The following AEBP2 variants were observed in gnomAD, a reference collection of about 807,000 sequenced individuals.
The protein encoded by AEBP2 is zinc finger protein AEBP2.
AEBP2 carries 10 observed loss-of-function variants against 50.8 expected under a neutral mutation model. The ratio of observed to expected loss-of-function variants is 0.20; its 90% CI spans 0.12 to 0.33. The LOEUF is 0.33. Ranked by LOEUF, AEBP2 falls within the 10% of genes least tolerant of loss-of-function variation. The pLI is 1.00. For missense variants in AEBP2, 570 were observed against 688.0 expected, an observed-to-expected ratio of 0.83 and a Z score of 1.92; for synonymous variants, 296 against 261.3, an observed-to-expected ratio of 1.13 and a Z score of -1.28.
chr12:19,420,773 C>A (rs1194862078), intron 1 of AEBP2, among the ~76,000 whole-genome samples: 1 of 152,110 alleles, frequency 6.6e-6, no homozygotes, highest in Admixed American at 6.6e-5. Flanking sequence ...TCTTGATTGA[C>A]CTTCCTGGCA....
intron 1 of AEBP2, among the ~76,000 whole-genome samples, chr12:19,417,741 G>A (rs370535032): frequency 6.7e-6 from 1 of 148,902 alleles, no homozygotes; most frequent in East Asian, 2.0e-4. Flanking sequence ...GTCTCACTCT[G>A]TTGCTTAGGC....
chr12:19,462,815 T>G (rs772221753), intron 2 of AEBP2, 98 bp downstream of exon 2: 45 of 1,116,122 alleles, frequency 4.0e-5, no homozygotes, highest in Non-Finnish European at 4.6e-5. Flanking sequence ...AATTTGGGAT[T>G]ATTTTTACAC....
chr12:19,435,132 CTT>C (rs140447214), upstream of AEBP2, among the ~76,000 whole-genome samples: 17 of 142,884 alleles, frequency 1.2e-4, no homozygotes, highest in African/African-American at 2.0e-4. Flanking sequence ...CCTGTCAGAA[CTT>C]TTTTTTTTTT....
Position 19,520,080 on chromosome 12 carries a change from A to C in AEBP2, c.*1963A>C, listed in dbSNP as rs567510591. On this transcript the variant is annotated 3_prime_UTR_variant, in exon 8 of 8. Transcript: ENST00000266508. Reference sequence around the variant, plus strand: ...CTTTTTAAAATTTGATTTGTTATAAAATTGCCAAATAGAAGTGTTTCAGAT... The same window carrying C: ...CTTTTTAAAATTTGATTTGTTATAACATTGCCAAATAGAAGTGTTTCAGAT... 6.5e-6 allele frequency: 1 copy of C among 152,696 alleles called. No homozygotes were observed. The highest frequency in any genetic ancestry group is 1.9e-4 in the East Asian group (1 of 5,188). The allele number at this position is 152,696 out of a possible 1,614,324, so 9.5% of individuals were successfully genotyped here.
At chr12:19,482,059 T>C (rs913339479) in intron 3 of AEBP2, among the ~76,000 whole-genome samples, 2 of 152,186 alleles carry the variant, frequency 1.3e-5, no homozygotes, top group Non-Finnish European at 2.9e-5. Context: ...TTCTGGTTCC[T>C]TCTCATTTGT....
chr12:19,464,541 G>C (rs1399086779), intron 2 of AEBP2, among the ~76,000 whole-genome samples: 2 of 151,798 alleles, frequency 1.3e-5, no homozygotes, highest in Non-Finnish European at 2.9e-5. Flanking sequence ...AAAAAATGCA[G>C]TTACAGTCTG....
At position 19,440,202 on chromosome 12, in the gene AEBP2, A is replaced by G. The variant is rs1292896458; in HGVS notation, c.503A>G (p.Gln168Arg). The G allele has an allele frequency of 1.4e-6, 2 of 1,436,370 alleles. No homozygotes were observed. The highest frequency in any genetic ancestry group is 1.8e-6 in the Non-Finnish European group (2 of 1,107,044). 89.0% of individuals were successfully genotyped at this position (1,436,370 alleles called of 1,614,324 possible). A position where few individuals can be genotyped will look rare whatever the true frequency, so the allele number is the denominator to read the frequency against. ...GAGCCCAAGGGACCGCGGGGCAGCC[A>G]GGGCGGCGGCGGGGGCGGCAGCAGT... ...LEEPKGPRGS[Q>R]GGGGGGSSSS... Residue 168 changes from glutamine (Q) to arginine (R), a missense_variant, in exon 1 of 8, where the codon CAG (glutamine) becomes CGG (arginine). Around this residue, in one of 2 missense-constraint regions of AEBP2, gnomAD observed 386 missense variants for 336.8 expected, o/e 1.15. Coordinates refer to ENST00000266508, the MANE Select transcript of AEBP2 (RefSeq NM_153207.5).
intron 2 of AEBP2, 58 bp from the exon 3 acceptor site, chr12:19,473,190 A>G (rs976560331): frequency 1.3e-5 from 10 of 787,594 alleles, no homozygotes; most frequent in Middle Eastern, 3.6e-4. Context: ...TGTATGAGGA[A>G]TCAAACTCTT....
intron 3 of AEBP2, among the ~76,000 whole-genome samples, chr12:19,473,749 T>C (rs972844385): frequency 6.6e-6 from 1 of 152,002 alleles, no homozygotes; most frequent in Non-Finnish European, 1.5e-5. Context: ...TGTTTCCTAA[T>C]AGGCATAATT....
chr12:19,441,897 A>T (rs574840311), intron 1 of AEBP2, among the ~76,000 whole-genome samples: 8 of 152,306 alleles, frequency 5.3e-5, no homozygotes, highest in Admixed American at 5.2e-4. Context: ...TACACGTATT[A>T]TGCTTGCCTA....
intron 1 of AEBP2, among the ~76,000 whole-genome samples, chr12:19,431,493 C>T (rs982777248): frequency 1.3e-5 from 2 of 152,174 alleles, no homozygotes; most frequent in African/African-American, 4.8e-5. Flanking sequence ...TCACCTTTCA[C>T]ATTTTGCCTA....
intron 1 of AEBP2, among the ~76,000 whole-genome samples, chr12:19,426,497 G>A (rs924581911): frequency 6.6e-6 from 1 of 152,186 alleles, no homozygotes; most frequent in South Asian, 2.1e-4. Context: ...GCATAAAAGA[G>A]TCTGGGAAAT....
chr12:19,415,866 T>C (rs2095742323), intron 1 of AEBP2, among the ~76,000 whole-genome samples: 1 of 152,080 alleles, frequency 6.6e-6, no homozygotes, highest in Admixed American at 6.6e-5. Flanking sequence ...CTGACCCAAC[T>C]GATATTCTTT....
chr12:19,447,162 A>G (rs1488517046), intron 1 of AEBP2, among the ~76,000 whole-genome samples: 1 of 152,240 alleles, frequency 6.6e-6, no homozygotes, highest in East Asian at 1.9e-4. Context: ...TAATGGTGCA[A>G]GTGAGGCCTT....
chr12:19,436,359 CAGG>C (rs1947861306), upstream of AEBP2, among the ~76,000 whole-genome samples: 3 of 152,106 alleles, frequency 2.0e-5, no homozygotes, highest in African/African-American at 4.8e-5. Context: ...AGCGTATAAT[CAGG>C]AGATGACCAT....
chr12:19,405,134 A>C (rs1328370548), intron 1 of AEBP2, among the ~76,000 whole-genome samples: 1 of 151,122 alleles, frequency 6.6e-6, no homozygotes, highest in Non-Finnish European at 1.5e-5. Context: ...ATGGGGTTTC[A>C]CCATGTTGCC....
At chr12:19,499,496 C>T (rs776907301) in intron 4 of AEBP2, among the ~76,000 whole-genome samples, 1 of 151,906 alleles carries the variant, frequency 6.6e-6, no homozygotes, top group African/African-American at 2.4e-5. Context: ...CGCCTGTAGT[C>T]CCAGCTACGC....
intron 1 of AEBP2, chr12:19,456,685 C>T (rs1948274657): frequency 5.7e-6 from 9 of 1,574,950 alleles, no homozygotes; most frequent in Middle Eastern, 2.2e-4. Context: ...ACATCCTTGA[C>T]AGACACATTC....
chr12:19,477,561 G>T (rs1165461193), intron 3 of AEBP2, among the ~76,000 whole-genome samples: 13 of 152,026 alleles, frequency 8.6e-5, no homozygotes, highest in Non-Finnish European at 1.6e-4. Flanking sequence ...ATGATTTTCA[G>T]TTCTTTTTAT....
Sources: allele counts gnomAD v4.1 joint callset (sites outside exome capture counted in the v4.1 genomes callset), GRCh38; gene constraint gnomAD v4.1.1; regional missense constraint gnomAD v4.1.1; transcripts MANE v1.5; gene names NCBI Gene and HGNC (gene_info 2026-07-23, HGNC 2026-07-21).